Variants in NFIA observed in about 807,000 individuals in gnomAD.
NFIA encodes the protein nuclear factor 1 A-type.
NFIA carries 8 observed loss-of-function variants against 62.8 expected under a neutral mutation model. The ratio of observed to expected loss-of-function variants is 0.13; its 90% confidence interval spans 0.07 to 0.23. The LOEUF (loss-of-function observed/expected upper bound fraction) is 0.23. Among genes scored for constraint, NFIA ranks in the 10% least tolerant of loss-of-function variants. The pLI is 1.00. For missense variants in NFIA, 410 were observed against 642.1 expected (o/e 0.64, Z 3.91); for synonymous variants, 235 against 238.1 (o/e 0.99, Z 0.12).
At chr1:61,130,081 C>T (rs1647048150) in intron 2 of NFIA, among the ~76,000 whole-genome samples, 2 of 152,048 alleles carry the variant, frequency 1.3e-5, no homozygotes, top group South Asian at 2.1e-4. Flanking sequence ...TCAGTGATTG[C>T]TTCAAGCATG....
intron 3 of NFIA, among the ~76,000 whole-genome samples, chr1:61,287,656 A>C (rs189133411): frequency 0.01 from 1,572 of 150,862 alleles, 17 homozygotes; most frequent in African/African-American, 0.035. Flanking sequence ...ACTGTCCCCA[A>C]CCCCCCCCAA....
intron 3 of NFIA, among the ~76,000 whole-genome samples, chr1:61,328,693 A>G (rs1311443927): frequency 6.6e-6 from 1 of 151,156 alleles, no homozygotes; most frequent in Non-Finnish European, 1.5e-5. Flanking sequence ...TGCTGGGATT[A>G]CAGGCATAAA....
intron 3 of NFIA, among the ~76,000 whole-genome samples, chr1:61,319,519 T>C (rs1660550747): frequency 6.6e-6 from 1 of 152,096 alleles, no homozygotes; most frequent in Admixed American, 6.6e-5. Flanking sequence ...TTATTCAAGC[T>C]GTGTGTCTGT....
At chr1:61,104,805 T>G in intron 2 of NFIA, among the ~76,000 whole-genome samples, 1 of 152,084 alleles carries the variant, frequency 6.6e-6, no homozygotes, top group East Asian at 1.9e-4. Flanking sequence ...AAACAAAAAC[T>G]TACAAAATCA....
chr1:61,261,156 T>A (rs1656750161), intron 2 of NFIA, among the ~76,000 whole-genome samples: 1 of 152,188 alleles, frequency 6.6e-6, no homozygotes, highest in Non-Finnish European at 1.5e-5. Context: ...CTAACCCAGC[T>A]TCTAACAGTT....
At chr1:61,296,070 T>C (rs1659175038) in intron 3 of NFIA, among the ~76,000 whole-genome samples, 1 of 152,252 alleles carries the variant, frequency 6.6e-6, no homozygotes, top group Admixed American at 6.5e-5. Context: ...TTTCTGTGTT[T>C]ACCGTGGTAT....
chr1:61,351,658 A>C (rs867462591), intron 4 of NFIA, among the ~76,000 whole-genome samples: 17 of 152,254 alleles, frequency 1.1e-4, no homozygotes, highest in Non-Finnish European at 7.3e-5. Flanking sequence ...AAGACAGAAA[A>C]TGCAAGGAAT....
At chr1:61,316,619 T>C (rs1049136517) in intron 3 of NFIA, among the ~76,000 whole-genome samples, 54 of 152,214 alleles carry the variant, frequency 3.5e-4, no homozygotes, top group Admixed American at 1.2e-3. Flanking sequence ...TGAGAAACAT[T>C]GTAGTGGTTC....
chr1:61,235,827 GAAAA>G (rs1048517221), intron 2 of NFIA, among the ~76,000 whole-genome samples: 4 of 148,268 alleles, frequency 2.7e-5, no homozygotes, highest in African/African-American at 9.9e-5. Flanking sequence ...AAAAAAAAAA[GAAAA>G]AGAAAAAGAA....
intron 9 of NFIA, among the ~76,000 whole-genome samples, chr1:61,412,400 C>T (rs144235814): frequency 6.6e-6 from 1 of 152,102 alleles, no homozygotes; most frequent in Non-Finnish European, 1.5e-5. Flanking sequence ...CCTGCACCAA[C>T]GTGGGAGCAA....
chr1:61,260,208 A>G (rs1053893142), intron 2 of NFIA, among the ~76,000 whole-genome samples: 2 of 152,238 alleles, frequency 1.3e-5, no homozygotes, highest in Non-Finnish European at 2.9e-5. Context: ...TCTGAAGGAC[A>G]TGACACCTAT....
rs556733293 is a variant in NFIA at position 61,313,516 on chromosome 1, A to T, written c.626-18996A>T. ...CCAAGAATATGGCACTGTTTCATTC[A>T]TGAGAAATCTGCCCCCATGATTCAA... On this transcript the variant is annotated intron_variant, in intron 3 of 10. Transcript: ENST00000403491. 2.0e-5 allele frequency among the ~76,000 whole-genome samples: 3 copies of T among 152,170 alleles called. No individual in the cohort carries two copies. The East Asian group carries it at 5.8e-4, about 29-fold the overall frequency.
At chr1:61,362,749 A>G (rs1477452741) in intron 6 of NFIA, among the ~76,000 whole-genome samples, 1 of 152,226 alleles carries the variant, frequency 6.6e-6, no homozygotes, top group Non-Finnish European at 1.5e-5. Flanking sequence ...CGCTTCTCTT[A>G]CAATGCTGCA....
intron 3 of NFIA, among the ~76,000 whole-genome samples, chr1:61,314,769 G>T (rs914460227): frequency 1.3e-5 from 2 of 152,134 alleles, no homozygotes; most frequent in African/African-American, 4.8e-5. Context: ...ACATTGCAGC[G>T]ACCTGTGATG....
At chr1:61,328,099 C>A (rs11207723) in intron 3 of NFIA, among the ~76,000 whole-genome samples, 106,118 of 150,568 alleles carry the variant, frequency 0.7, 37,728 homozygotes, top group East Asian at 0.84. Context: ...CTACTTTTTG[C>A]TGGGATTTTT....
At chr1:61,393,286 TCTCTCC>T (rs1553181530) in intron 7 of NFIA, among the ~76,000 whole-genome samples, 1 of 48,336 alleles carries the variant, frequency 2.1e-5, no homozygotes, top group Admixed American at 2.4e-4. Flanking sequence ...TCTCTCTCTC[TCTCTCC>T]CTCTTTCTCT....
chr1:61,442,702 TACAC>T (rs961500037), intron 10 of NFIA, among the ~76,000 whole-genome samples: 2 of 151,618 alleles, frequency 1.3e-5, no homozygotes, highest in Non-Finnish European at 2.9e-5. Context: ...GAAGAAAAAA[TACAC>T]AAAAGAAAGA....
intron 2 of NFIA, among the ~76,000 whole-genome samples, chr1:61,096,301 C>T (rs555972201): frequency 5.7e-4 from 86 of 151,984 alleles, no homozygotes; most frequent in African/African-American, 1.9e-3. Flanking sequence ...GCAATCTCTG[C>T]CTCCCTGGTT....
intron 2 of NFIA, among the ~76,000 whole-genome samples, chr1:61,147,497 C>T (rs946382167): frequency 1.3e-5 from 2 of 152,178 alleles, no homozygotes; most frequent in African/African-American, 2.4e-5. Context: ...AAAGAAGATA[C>T]TCTGTAGCTT....
Sources: gnomAD v4.1 joint callset for allele counts (sites outside exome capture counted in the v4.1 genomes callset) on GRCh38, gnomAD v4.1.1 for gene constraint, MANE v1.5 for transcripts, NCBI Gene and HGNC (gene_info 2026-07-23, HGNC 2026-07-21) for gene names.